The following WDR27 variants were observed in gnomAD, a reference collection of about 807,000 sequenced individuals.
WDR27 encodes WD repeat domain 27, also known as WD repeat-containing protein 27.
In WDR27, 100 loss-of-function variants were observed where a neutral mutation model predicts 114.4. The ratio of observed to expected loss-of-function variants is 0.87; its 90% CI spans 0.74 to 1.03. The LOEUF is 1.03. Among genes scored for constraint, WDR27 ranks in the 50% least tolerant of loss-of-function variants. WDR27 has a pLI of 0.00. For missense variants in WDR27, 1,129 were observed against 1,092.9 expected, an observed-to-expected ratio of 1.03 and a Z score of -0.47; for synonymous variants, 449 against 423.1, an observed-to-expected ratio of 1.06 and a Z score of -0.75.
chr6:169,437,490 T>C, the WDR27 span, among the ~76,000 whole-genome samples: 1 of 152,190 alleles, frequency 6.6e-6, no homozygotes, highest in African/African-American at 2.4e-5. Context: ...ATTTTCAAAT[T>C]AGAAGTGTTA....
intron 25 of WDR27, among the ~76,000 whole-genome samples, chr6:169,478,517 T>C (rs892344168): frequency 2.0e-5 from 3 of 152,066 alleles, no homozygotes; most frequent in Non-Finnish European, 2.9e-5. Context: ...TATAAGCCTA[T>C]ATCATAAACT....
intron 21 of WDR27, among the ~76,000 whole-genome samples, chr6:169,622,086 A>G (rs969099589): frequency 6.6e-6 from 1 of 152,196 alleles, no homozygotes; most frequent in East Asian, 1.9e-4. Context: ...AAGACTCATC[A>G]GAAACTCAAA....
At chr6:169,652,996 A>C (rs553661400) in intron 13 of WDR27, among the ~76,000 whole-genome samples, 7 of 152,378 alleles carry the variant, frequency 4.6e-5, no homozygotes, top group African/African-American at 1.4e-4. Context: ...TTTAAAGGTG[A>C]AATCAGGAGA....
chr6:169,660,846 G>A (rs1353608971), intron 9 of WDR27, 80 bp from the exon 10 acceptor site: 1 of 1,224,698 alleles, frequency 8.2e-7, no homozygotes, highest in South Asian at 1.4e-5. Flanking sequence ...CCCTGGCCTG[G>A]CTGTGAGCTC....
chr6:169,547,392 A>G (rs1034001322), intron 25 of WDR27, among the ~76,000 whole-genome samples: 2 of 152,344 alleles, frequency 1.3e-5, no homozygotes, highest in East Asian at 1.9e-4. Context: ...CTAGAGACTA[A>G]TATTTCTCAT....
At chr6:169,584,582 T>G (rs997837727) in intron 23 of WDR27, among the ~76,000 whole-genome samples, 13 of 152,226 alleles carry the variant, frequency 8.5e-5, no homozygotes, top group Non-Finnish European at 1.8e-4. Context: ...TCTCTTGTCT[T>G]TTTGATAACA....
chr6:169,462,864 C>A (rs764937097), intron 25 of WDR27, among the ~76,000 whole-genome samples: 1 of 152,148 alleles, frequency 6.6e-6, no homozygotes, highest in African/African-American at 2.4e-5. Flanking sequence ...ACAAAACCCA[C>A]ATGATCATCT....
the WDR27 span, among the ~76,000 whole-genome samples, chr6:169,445,912 A>C: frequency 6.6e-6 from 1 of 151,730 alleles, no homozygotes; most frequent in Non-Finnish European, 1.5e-5. Context: ...GGGTGGGGGG[A>C]GGCAGGCCCC....
chr6:169,602,510 C>G (rs963187300), intron 22 of WDR27, among the ~76,000 whole-genome samples, 189 bp from the exon 23 acceptor site: 1 of 152,126 alleles, frequency 6.6e-6, no homozygotes, highest in Non-Finnish European at 1.5e-5. Context: ...AATTCAAACA[C>G]TATTCAAAAT....
intron 25 of WDR27, among the ~76,000 whole-genome samples, chr6:169,545,220 CA>C (rs1467464935): frequency 6.6e-6 from 1 of 151,928 alleles, no homozygotes; most frequent in African/African-American, 2.4e-5. Context: ...AGCAATGAAA[CA>C]GGATAGAGAA....
intron 24 of WDR27, 40 bp downstream of exon 24, chr6:169,582,796 T>C (rs775722085): frequency 2.0e-6 from 3 of 1,493,512 alleles, no homozygotes; most frequent in Non-Finnish European, 2.8e-6. Flanking sequence ...GTAAGACTTG[T>C]ATGCAGCAGA....
At chr6:169,547,761 CT>C (rs1166088160) in intron 25 of WDR27, among the ~76,000 whole-genome samples, 2 of 152,080 alleles carry the variant, frequency 1.3e-5, no homozygotes, top group Non-Finnish European at 2.9e-5. Flanking sequence ...AGGATATCCC[CT>C]TTCACTGCTG....
chr6:169,518,457 C>A (rs901377862), intron 25 of WDR27, among the ~76,000 whole-genome samples: 2 of 152,272 alleles, frequency 1.3e-5, no homozygotes, highest in African/African-American at 2.4e-5. Flanking sequence ...GCCACCAAGG[C>A]TTATGGCTTG....
the WDR27 span, among the ~76,000 whole-genome samples, chr6:169,441,356 G>C: frequency 5.9e-5 from 9 of 152,208 alleles, no homozygotes; most frequent in South Asian, 1.9e-3. Flanking sequence ...AAAAGATCTT[G>C]ATCAAAAGGG....
At chr6:169,525,057 T>C (rs933988031) in intron 25 of WDR27, among the ~76,000 whole-genome samples, 4 of 151,916 alleles carry the variant, frequency 2.6e-5, no homozygotes, top group African/African-American at 7.3e-5. Context: ...CCAGAATATA[T>C]AAGCAGCTGA....
chr6:169,429,431 T>C, the WDR27 span, among the ~76,000 whole-genome samples: 1 of 38,096 alleles, frequency 2.6e-5, no homozygotes, highest in Admixed American at 1.9e-4. Flanking sequence ...GACTGAGTCC[T>C]TTTTTTTTTT....
chr6:169,576,038 C>A (rs533360812), intron 24 of WDR27, among the ~76,000 whole-genome samples: 1 of 143,686 alleles, frequency 7.0e-6, no homozygotes, highest in East Asian at 2.1e-4. Context: ...ACTGGAAAAA[C>A]TGCATACTGC....
rs117500430 is a variant in WDR27 at position 169,662,504 on chromosome 6, G to A, written c.905-80C>T. 2,479 of 1,541,778 alleles carry A rather than the reference G, an allele frequency of 1.6e-3. 78 individuals are homozygous for A. The East Asian group carries it at 0.054, about 34-fold the overall frequency. On this transcript the variant is annotated intron_variant, in intron 8 of 25. Transcript: ENST00000448612. ...TTTAAAGGCTGAGGACTGCCACACA[G>A]AGATGCTGCAGTGAATGTGCACCGT...
At chr6:169,525,396 C>T (rs1408473038) in intron 25 of WDR27, among the ~76,000 whole-genome samples, 1 of 151,580 alleles carries the variant, frequency 6.6e-6, no homozygotes, top group African/African-American at 2.4e-5. Context: ...ATTAGCCGGG[C>T]GTGGTGGTGG....
Sources: gnomAD v4.1 joint callset for allele counts (sites outside exome capture counted in the v4.1 genomes callset) on GRCh38, gnomAD v4.1.1 for gene constraint, MANE v1.5 for transcripts, NCBI Gene and HGNC (gene_info 2026-07-23, HGNC 2026-07-21) for gene names.